The following GIPC2 variants were observed in gnomAD, a reference collection of about 807,000 sequenced individuals.
The protein encoded by GIPC2 is PDZ domain-containing protein GIPC2.
In GIPC2, 30 loss-of-function variants were observed where a neutral mutation model predicts 30.6. That is an observed-to-expected ratio of 0.98 (90% CI 0.73 to 1.33). The LOEUF (loss-of-function observed/expected upper bound fraction) is 1.33, where lower values mean the gene tolerates loss of function less well. Ranked by LOEUF, GIPC2 falls within the 40% of genes most tolerant of loss-of-function variation. The probability of loss-of-function intolerance (pLI) is 0.00; values close to 1 mark genes in which losing one functional copy is unlikely to be tolerated. For synonymous variants in GIPC2, 167 were observed against 150.0 expected (o/e 1.11, Z -0.83); for missense variants, 414 against 390.3 (o/e 1.06, Z -0.51).
At chr1:78,126,550 G>GA (rs66776463) in intron 5 of GIPC2, among the ~76,000 whole-genome samples, 38 of 146,250 alleles carry the variant, frequency 2.6e-4, no homozygotes, top group Admixed American at 6.8e-4. Context: ...CTGGCTTAAG[G>GA]AAAAAAAAAA....
chr1:78,114,254 C>T (rs1662526906), intron 3 of GIPC2, among the ~76,000 whole-genome samples: 1 of 152,196 alleles, frequency 6.6e-6, no homozygotes, highest in Admixed American at 6.5e-5. Flanking sequence ...CCTGTCATAG[C>T]TCAGCCCCAA....
chr1:78,077,832 C>T (rs1661743428), intron 1 of GIPC2, among the ~76,000 whole-genome samples: 1 of 152,156 alleles, frequency 6.6e-6, no homozygotes, highest in Admixed American at 6.5e-5. Context: ...AAGGTTCCTT[C>T]TGACTTAAAT....
intron 3 of GIPC2, among the ~76,000 whole-genome samples, chr1:78,116,192 T>C (rs375082948): frequency 6.6e-6 from 1 of 152,152 alleles, no homozygotes; most frequent in South Asian, 2.1e-4. Context: ...TCAGATTTCA[T>C]GAGAACTGAT....
rs1287602121 is a variant in GIPC2 at position 78,099,441 on chromosome 1, T to C, written c.607+4309T>C. Among the ~76,000 whole-genome samples, 5 of 150,184 alleles carry C rather than the reference T, an allele frequency of 3.3e-5. No individual in the cohort carries two copies. The East Asian group carries it at 5.8e-4, about 17-fold the overall frequency. On this transcript the variant is annotated intron_variant, in intron 3 of 5. Coordinates refer to ENST00000370759, the MANE Select transcript of GIPC2 (RefSeq NM_017655.6). ...AGCTTTCTTTTCTTTTCTTTTCTCT[T>C]TCTTTTTTTTTTTTTGAGACGGAGT...
chr1:78,111,595 A>G (rs979428152), intron 3 of GIPC2, among the ~76,000 whole-genome samples: 11 of 152,178 alleles, frequency 7.2e-5, no homozygotes, highest in Non-Finnish European at 1.3e-4. Context: ...TTTTAGAGAG[A>G]AAATCTATAT....
rs1218804845 is a variant in GIPC2, at chr1:78,046,017, G to GGGCGCAAAGTCCGA, written c.-72_-59dup. Reference sequence around the variant, plus strand: ...GCTGCTTTTACCTGCGCGGGGCCCGGGGCGCAAAGTCCGAGGCGCCGGGGG... The same window carrying GGGCGCAAAGTCCGA: ...GCTGCTTTTACCTGCGCGGGGCCCGGGGCGCAAAGTCCGAGGCGCAAAGTCCGAGGCGCCGGGGG... On this transcript the variant is annotated 5_prime_UTR_variant, in exon 1 of 6. Coordinates refer to ENST00000370759, the MANE Select transcript of GIPC2 (RefSeq NM_017655.6). The GGGCGCAAAGTCCGA allele has an allele frequency of 2.1e-6, 3 of 1,395,794 alleles. No homozygotes were observed. The African/African-American group carries it at 4.6e-5, about 21-fold the overall frequency. 86.5% of individuals were successfully genotyped at this position (1,395,794 alleles called of 1,614,324 possible).
intron 3 of GIPC2, among the ~76,000 whole-genome samples, chr1:78,103,667 C>G (rs1412376395): frequency 1.3e-5 from 2 of 152,198 alleles, no homozygotes; most frequent in Non-Finnish European, 2.9e-5. Flanking sequence ...GTTACTGCTT[C>G]TTCAGAACAT....
chr1:78,099,563 C>G (rs946203712), intron 3 of GIPC2, among the ~76,000 whole-genome samples: 8 of 151,742 alleles, frequency 5.3e-5, no homozygotes, highest in African/African-American at 1.7e-4. Flanking sequence ...CTCAGCCTCC[C>G]GAGTAGCTGG....
chr1:78,085,883 T>C lies in GIPC2; in HGVS notation c.426+5023T>C, dbSNP rs577295857. Reference sequence around the variant, plus strand: ...TTCATAAAACCAACTCCTGGATCTATTGATCTTTTGAATGTTTTTTTTTTT... The same window carrying C: ...TTCATAAAACCAACTCCTGGATCTACTGATCTTTTGAATGTTTTTTTTTTT... On this transcript the variant is annotated intron_variant, in intron 2 of 5. Transcript: ENST00000370759. Among the ~76,000 whole-genome samples, 3 of 148,982 alleles carry C rather than the reference T, an allele frequency of 2.0e-5. No homozygotes were observed. In the South Asian group the frequency reaches 6.5e-4, roughly 32 times the overall value.
chr1:78,115,783 G>A (rs969594279), intron 3 of GIPC2, among the ~76,000 whole-genome samples: 1 of 152,218 alleles, frequency 6.6e-6, no homozygotes, highest in African/African-American at 2.4e-5. Context: ...GGCGGGGCTA[G>A]TGTACTAATT....
At chr1:78,120,853 C>A (rs1662668173) in intron 4 of GIPC2, among the ~76,000 whole-genome samples, 1 of 152,160 alleles carries the variant, frequency 6.6e-6, no homozygotes, top group African/African-American at 2.4e-5. Flanking sequence ...AGCTACAATT[C>A]AAGATGAGAT....
At chr1:78,088,921 C>T (rs966343490) in intron 2 of GIPC2, 3 of 151,852 alleles carry the variant, frequency 2.0e-5, no homozygotes, top group African/African-American at 7.3e-5. Context: ...CTTTTCCACA[C>T]TCCTTAGAGA....
Position 78,046,104 on chromosome 1 carries a change from A to C in GIPC2, c.10A>C (p.Lys4Gln). The change falls in exon 1 of 6, where the codon AAG becomes CAG. Residue 4 changes from lysine to glutamine, a missense_variant. Transcript: ENST00000370759. ...CTCTCGGCCCTGCAAGATGCCCCTG[A>C]AGCTGCGGGGGAAGAAGAAGGCCAA... is the stretch of plus-strand genomic sequence containing the variant. The part of the protein sequence containing the change: MPL[K>Q]LRGKKKAKSK... 2.7e-6 allele frequency: 4 copies of C among 1,471,196 alleles called. No homozygotes were observed. Among genetic ancestry groups the C allele is most frequent in the Non-Finnish European group, 2.7e-6 (3 of 1,115,664 alleles). The allele number at this position is 1,471,196 out of a possible 1,614,324, so 91.1% of individuals were successfully genotyped here.
At chr1:78,115,761 G>A (rs1323821566) in intron 3 of GIPC2, among the ~76,000 whole-genome samples, 2 of 152,186 alleles carry the variant, frequency 1.3e-5, no homozygotes, top group African/African-American at 4.8e-5. Context: ...ACCATTTATA[G>A]GTTTTTGGTT....
intron 1 of GIPC2, among the ~76,000 whole-genome samples, chr1:78,072,367 A>G (rs1046961007): frequency 6.6e-6 from 1 of 152,236 alleles, no homozygotes; most frequent in Non-Finnish European, 1.5e-5. Context: ...CAGTCTATGC[A>G]TATAATTGAA....
At chr1:78,065,240 A>T (rs1055577607) in intron 1 of GIPC2, among the ~76,000 whole-genome samples, 2 of 152,208 alleles carry the variant, frequency 1.3e-5, no homozygotes, top group Admixed American at 1.3e-4. Context: ...GGCTTGTTAA[A>T]TTTGTGATAT....
intron 3 of GIPC2, among the ~76,000 whole-genome samples, chr1:78,103,981 T>C (rs1320041090): frequency 6.6e-6 from 1 of 152,140 alleles, no homozygotes; most frequent in Non-Finnish European, 1.5e-5. Flanking sequence ...GAAAGGCCCT[T>C]GTACACACTG....
At chr1:78,046,882 T>A (rs12731056) in intron 1 of GIPC2, among the ~76,000 whole-genome samples, 485 of 152,228 alleles carry the variant, frequency 3.2e-3, no homozygotes, top group Non-Finnish European at 6.0e-3. Context: ...AGGCCCACTT[T>A]CCCCCAATCT....
chr1:78,082,198 A>G (rs1661843773), intron 2 of GIPC2, among the ~76,000 whole-genome samples: 1 of 152,196 alleles, frequency 6.6e-6, no homozygotes, highest in South Asian at 2.1e-4. Context: ...AAAGTTATAC[A>G]GCTGGACACA....
Sources: allele counts gnomAD v4.1 joint callset (sites outside exome capture counted in the v4.1 genomes callset), GRCh38; gene constraint gnomAD v4.1.1; transcripts MANE v1.5; gene names NCBI Gene and HGNC (gene_info 2026-07-23, HGNC 2026-07-21).